The following PITPNM3 variants were observed in gnomAD, a reference collection of about 807,000 sequenced individuals.
PITPNM3 encodes the protein PITPNM family member 3.
In PITPNM3, 26 loss-of-function variants were observed where a neutral mutation model predicts 102.0. The observed-to-expected ratio is 0.25, with a 90% CI of 0.19 to 0.35. The LOEUF (loss-of-function observed/expected upper bound fraction) is 0.35, where lower values mean the gene tolerates loss of function less well. PITPNM3 is among the 10% of genes least tolerant of loss of function. PITPNM3 has a pLI of 1.00. For synonymous variants in PITPNM3, 578 were observed against 558.6 expected, an observed-to-expected ratio of 1.03 and a Z score of -0.49; for missense variants, 1,083 against 1,346.1, an observed-to-expected ratio of 0.80 and a Z score of 3.06.
At chr17:6,492,480 T>TA in intron 4 of PITPNM3, among the ~76,000 whole-genome samples, 1 of 151,670 alleles carries the variant, frequency 6.6e-6, no homozygotes, top group South Asian at 2.1e-4. Context: ...AATGAGGGAG[T>TA]ATAAAAGGAT....
At chr17:6,489,469 G>C (rs1427195390) in intron 4 of PITPNM3, among the ~76,000 whole-genome samples, 1 of 141,148 alleles carries the variant, frequency 7.1e-6, no homozygotes, top group Non-Finnish European at 1.6e-5. Flanking sequence ...GGAAACATAA[G>C]GTTTTTTTTT....
intron 2 of PITPNM3, among the ~76,000 whole-genome samples, chr17:6,525,901 A>T (rs1908807828): frequency 6.6e-6 from 1 of 152,208 alleles, no homozygotes; most frequent in Non-Finnish European, 1.5e-5. Flanking sequence ...ATTAAATGAG[A>T]TAATGGATGT....
At chr17:6,476,928 C>G in intron 9 of PITPNM3, 101 bp downstream of exon 9, 1 of 1,419,726 alleles carries the variant, frequency 7.0e-7, no homozygotes, top group African/African-American at 1.4e-5. Flanking sequence ...CAGTGCTTAT[C>G]TATGGGCCCC....
intron 3 of PITPNM3, among the ~76,000 whole-genome samples, chr17:6,523,418 T>C (rs1190627617): frequency 6.6e-6 from 1 of 152,138 alleles, no homozygotes; most frequent in Non-Finnish European, 1.5e-5. Flanking sequence ...CCTCTCTGAC[T>C]CCAGCACTGC....
Position 6,459,555 on chromosome 17 carries a change from C to T in PITPNM3, c.2490+1818G>A, listed in dbSNP as rs1275264388. ...GCCATATCAGGTCCCGTGGCTGTAT[C>T]AGCCTTGACATGTCCACAGCTGAGC... On this transcript the variant is annotated intron_variant, in intron 18 of 19. Transcript: ENST00000262483. This position sits in a 1 kb window ranked among gnomAD's most constrained non-coding sequence, Gnocchi z 5.0. Among the ~76,000 whole-genome samples, 5 of 152,302 alleles carry T rather than the reference C, an allele frequency of 3.3e-5. 1 individual carries two copies. Among genetic ancestry groups the T allele is most frequent in the Middle Eastern group, 6.8e-3 (2 of 294 alleles).
rs1904906064 is a variant in PITPNM3, at chr17:6,468,639, A to C, written c.1774-298T>G. ...CTCTCTGCCCTCCCTCTGTTACAAC[A>C]AGGTGGCCCTTTCTTAAGGCCGGCT... On this transcript the variant is annotated intron_variant, in intron 13 of 19. Transcript: ENST00000262483. The surrounding 1 kb of genome is among the most constrained non-coding windows in gnomAD (Gnocchi z 5.2). 6.6e-6 allele frequency among the ~76,000 whole-genome samples: 1 copy of C among 152,088 alleles called. No individual in the cohort carries two copies. The highest frequency in any genetic ancestry group is 6.5e-5 in the Admixed American group (1 of 15,278).
At chr17:6,510,793 G>A (rs1907823692) in intron 3 of PITPNM3, among the ~76,000 whole-genome samples, 2 of 152,260 alleles carry the variant, frequency 1.3e-5, no homozygotes, top group African/African-American at 4.8e-5. Flanking sequence ...TGAGGACAGT[G>A]GTCTGGGAGA....
At position 6,483,648 on chromosome 17, in the gene PITPNM3, G is replaced by A. The variant is rs761342538; in HGVS notation, c.456C>T (p.Ala152=). ...GCACGGAGCTGAAGGTGTGGATGTC[G>A]GCTGCCTTGCAGGACGGGTCCCCGG... The part of the protein sequence containing the change: ...TGAGDPSCKA[A]DIHTFSSVLE... The change falls in exon 6 of 20, where the codon GCC becomes GCT. Residue 152 remains alanine (A), a synonymous_variant. Coordinates refer to ENST00000262483, the MANE Select transcript of PITPNM3 (RefSeq NM_031220.4). The A allele has an allele frequency of 1.5e-5, 24 of 1,613,958 alleles. No individual in the cohort carries two copies. The East Asian group carries it at 2.5e-4, about 16-fold the overall frequency.
rs963730866 is a variant in PITPNM3 at position 6,453,518 on chromosome 17, GCCAGCAGC to G, written c.*1812_*1819del. 12 of 152,494 alleles carry G rather than the reference GCCAGCAGC, an allele frequency of 7.9e-5. No homozygotes were observed. Among genetic ancestry groups the G allele is most frequent in the African/African-American group, 2.9e-4 (12 of 41,448 alleles). The allele number at this position is 152,494 out of a possible 1,614,324, so 9.4% of individuals were successfully genotyped here. Reference sequence around the variant, plus strand: ...GATCCGCACTCCTCCCCATAGACTCGCCAGCAGCCCTGGGCTTGAGTGCAGGATGCAGC... The same window carrying G: ...GATCCGCACTCCTCCCCATAGACTCGCCTGGGCTTGAGTGCAGGATGCAGC... On this transcript the variant is annotated 3_prime_UTR_variant, in exon 20 of 20. Coordinates refer to ENST00000262483, the MANE Select transcript of PITPNM3 (RefSeq NM_031220.4).
intron 14 of PITPNM3, among the ~76,000 whole-genome samples, chr17:6,467,141 G>A (rs909053949): frequency 2.0e-5 from 3 of 150,160 alleles, no homozygotes; most frequent in African/African-American, 7.3e-5. Flanking sequence ...GAATGGATAA[G>A]CAAAACGTAG....
chr17:6,544,531 C>A (rs1567696607), intron 1 of PITPNM3, among the ~76,000 whole-genome samples: 1 of 150,740 alleles, frequency 6.6e-6, no homozygotes, highest in Non-Finnish European at 1.5e-5. Context: ...GCCTCTGTCT[C>A]AAAAAAAATA....
Position 6,556,311 on chromosome 17 carries a change from C to A in PITPNM3, c.22+74G>T. 7.7e-7 allele frequency: 1 copy of A among 1,297,848 alleles called. No homozygotes were observed. Among genetic ancestry groups the A allele is most frequent in the South Asian group, 1.6e-5 (1 of 64,446 alleles). 80.4% of individuals were successfully genotyped at this position (1,297,848 alleles called of 1,614,324 possible). A position where few individuals can be genotyped will look rare whatever the true frequency, so the allele number is the denominator to read the frequency against. ...CACCTGCGCGAGGGGTTCACCTGGGCCGGCGGCCCCTCCTCTAGACGCGCG... is the reference window on the plus strand; with the variant it reads ...CACCTGCGCGAGGGGTTCACCTGGGACGGCGGCCCCTCCTCTAGACGCGCG... On this transcript the variant is annotated intron_variant, in intron 1 of 19. Transcript: ENST00000262483. This position sits in a 1 kb window ranked among gnomAD's most constrained non-coding sequence, Gnocchi z 5.2.
intron 3 of PITPNM3, among the ~76,000 whole-genome samples, chr17:6,513,046 C>T (rs574169545): frequency 6.7e-6 from 1 of 149,996 alleles, no homozygotes; most frequent in Admixed American, 6.6e-5. Flanking sequence ...ACAAAAACCA[C>T]ATGAACATCT....
intron 4 of PITPNM3, among the ~76,000 whole-genome samples, chr17:6,497,645 C>T (rs929857501): frequency 9.2e-5 from 14 of 152,232 alleles, no homozygotes; most frequent in Non-Finnish European, 2.9e-5. Context: ...GGAAGACCCT[C>T]CCCGCACGTG....
Position 6,472,975 on chromosome 17 carries a change from T to A in PITPNM3, c.1259-148A>T. 1 of 1,002,856 alleles carries A rather than the reference T, an allele frequency of 1.0e-6. No homozygotes were observed. 62.1% of individuals were successfully genotyped at this position (1,002,856 alleles called of 1,614,324 possible). On this transcript the variant is annotated intron_variant, in intron 10 of 19. Transcript: ENST00000262483. The surrounding 1 kb of genome is among the most constrained non-coding windows in gnomAD (Gnocchi z 4.1). ...CTGCTCCCCACGGGAACAAAGCCATTACGTTCAGTTTGTCTCCCCACCCAG... is the reference window on the plus strand; with the variant it reads ...CTGCTCCCCACGGGAACAAAGCCATAACGTTCAGTTTGTCTCCCCACCCAG...
chr17:6,471,120 T>C lies in PITPNM3; in HGVS notation c.1624+41A>G, dbSNP rs912741110. The stretch of plus-strand genomic sequence containing the variant: ...GCAAACACCCAGAGGAAGGTTCCCC[T>C]CCCCCGAATCCAGGCAGGGCCCCAA... On this transcript the variant is annotated intron_variant, in intron 12 of 19. Transcript: ENST00000262483. The C allele has an allele frequency of 2.5e-6, 4 of 1,606,858 alleles. No homozygotes were observed. The African/African-American group carries it at 5.4e-5, about 22-fold the overall frequency.
At chr17:6,522,844 T>C (rs1386472288) in intron 3 of PITPNM3, among the ~76,000 whole-genome samples, 2 of 152,198 alleles carry the variant, frequency 1.3e-5, no homozygotes, top group East Asian at 3.8e-4. Flanking sequence ...CCCCTGGCTC[T>C]GATCTGTCGC....
At chr17:6,550,108 A>G (rs1177455188) in intron 1 of PITPNM3, among the ~76,000 whole-genome samples, 3 of 152,214 alleles carry the variant, frequency 2.0e-5, no homozygotes, top group Admixed American at 1.3e-4. Flanking sequence ...ACTTTTACAG[A>G]TAAGGAAACT....
chr17:6,544,991 C>G (rs1487313235), intron 1 of PITPNM3, among the ~76,000 whole-genome samples: 1 of 152,156 alleles, frequency 6.6e-6, no homozygotes, highest in Non-Finnish European at 1.5e-5. Context: ...GGCCGAGGCT[C>G]CTGCGGACAG....
Sources: allele counts gnomAD v4.1 joint callset (sites outside exome capture counted in the v4.1 genomes callset), GRCh38; gene constraint gnomAD v4.1.1; non-coding constraint Gnocchi (gnomAD v3.1); transcripts MANE v1.5; gene names NCBI Gene and HGNC (gene_info 2026-07-23, HGNC 2026-07-21).